TUSC3: variants seen among roughly 807,000 people sequenced by gnomAD.
TUSC3 encodes the protein tumor suppressor candidate 3, also known as dolichyl-diphosphooligosaccharide--protein glycosyltransferase subunit TUSC3.
TUSC3 carries 45 observed loss-of-function variants against 44.8 expected under a neutral mutation model. The ratio of observed to expected loss-of-function variants is 1.00; its 90% CI spans 0.79 to 1.29. The LOEUF (loss-of-function observed/expected upper bound fraction) is 1.29, where lower values mean the gene tolerates loss of function less well. Among genes scored for constraint, TUSC3 ranks in the 50% most tolerant of loss-of-function variants. The pLI is 0.00. For missense variants in TUSC3, 519 were observed against 437.9 expected (o/e 1.19, Z -1.65); for synonymous variants, 212 against 152.9 (o/e 1.39, Z -2.85).
chr8:15,783,425 G>A, the TUSC3 span, among the ~76,000 whole-genome samples: 1 of 152,026 alleles, frequency 6.6e-6, no homozygotes, highest in African/African-American at 2.4e-5. Context: ...AAGCAATCAT[G>A]AGCAAAAAGA....
chr8:15,735,876 T>TG lies in TUSC3; in HGVS notation c.862+5147_862+5148insG, dbSNP rs1554484150. 1.5e-3 allele frequency among the ~76,000 whole-genome samples: 208 copies of TG among 139,150 alleles called. 1 individual carries two copies. Among genetic ancestry groups the TG allele is most frequent in the African/African-American group, 2.6e-3 (103 of 39,270 alleles). The allele number at this position is 139,150 out of a possible 152,430, so 91.3% of individuals were successfully genotyped here. The stretch of plus-strand genomic sequence containing the variant: ...TGCCACACCCGGCTAATGGGTTTTT[T>TG]TTTTTTGTTTTTTTGGTTTTTTTTT... On this transcript the variant is annotated intron_variant, in intron 7 of 10. Coordinates refer to ENST00000503731, the MANE Select transcript of TUSC3 (RefSeq NM_006765.4).
downstream of TUSC3, among the ~76,000 whole-genome samples, chr8:15,767,408 G>A (rs1297411949): frequency 6.7e-6 from 1 of 150,216 alleles, no homozygotes; most frequent in Non-Finnish European, 1.5e-5. Context: ...GGAATTCCAG[G>A]GACATACCTG....
the TUSC3 span, among the ~76,000 whole-genome samples, chr8:15,823,797 G>C: frequency 1.0e-5 from 1 of 96,578 alleles, no homozygotes; most frequent in African/African-American, 2.9e-5. Flanking sequence ...GGCAAGTTCA[G>C]TGAGTTAACG....
At chr8:15,699,657 G>C (rs945535122) in intron 6 of TUSC3, among the ~76,000 whole-genome samples, 1 of 152,130 alleles carries the variant, frequency 6.6e-6, no homozygotes, top group Non-Finnish European at 1.5e-5. Context: ...TTTAATATGA[G>C]TTTGAAAGAT....
intron 1 of TUSC3, among the ~76,000 whole-genome samples, chr8:15,481,302 G>C (rs114007845): frequency 0.011 from 1,627 of 151,222 alleles, 35 homozygotes; most frequent in African/African-American, 0.037. Flanking sequence ...GGCCATGAAG[G>C]CTCTGCCGTC....
chr8:15,524,050 C>A (rs12545977), intron 2 of TUSC3, among the ~76,000 whole-genome samples: 82,106 of 132,562 alleles, frequency 0.62, 27,056 homozygotes, highest in Non-Finnish European at 0.75. Context: ...CAGAGTGACT[C>A]CGTCTCAAAA....
chr8:15,615,416 C>T (rs76830538), intron 1 of TUSC3, among the ~76,000 whole-genome samples: 2,152 of 152,148 alleles, frequency 0.014, 36 homozygotes, highest in South Asian at 0.05. Context: ...AACCAAAAAC[C>T]AGATTGAGCT....
At chr8:15,424,689 G>C (rs567293600) in intron 1 of TUSC3, among the ~76,000 whole-genome samples, 10 of 152,018 alleles carry the variant, frequency 6.6e-5, no homozygotes, top group Non-Finnish European at 1.5e-4. Flanking sequence ...GACTATCCTG[G>C]CTAACACGGT....
At chr8:15,846,072 G>C in the TUSC3 span, among the ~76,000 whole-genome samples, 1 of 152,098 alleles carries the variant, frequency 6.6e-6, no homozygotes, top group African/African-American at 2.4e-5. Flanking sequence ...CACAAGAATA[G>C]CACAGGAAAG....
chr8:15,806,126 TC>T, the TUSC3 span: 1 of 440,288 alleles, frequency 2.3e-6, no homozygotes, highest in Non-Finnish European at 4.4e-6. Context: ...GAAGGTAAAC[TC>T]CATGGCTAGA....
chr8:15,802,869 G>C, the TUSC3 span, among the ~76,000 whole-genome samples: 2 of 151,874 alleles, frequency 1.3e-5, no homozygotes, highest in East Asian at 1.9e-4. Flanking sequence ...GTTCATACTC[G>C]GTGGTCATTC....
intron 5 of TUSC3, among the ~76,000 whole-genome samples, chr8:15,669,424 C>T (rs978749595): frequency 2.0e-5 from 3 of 151,668 alleles, no homozygotes; most frequent in Non-Finnish European, 3.0e-5. Context: ...TAAAATCTGA[C>T]GGGGACATTT....
At chr8:15,608,865 A>C (rs1360038034) in intron 1 of TUSC3, among the ~76,000 whole-genome samples, 2 of 152,190 alleles carry the variant, frequency 1.3e-5, no homozygotes, top group African/African-American at 4.8e-5. Context: ...GCAGTGCAAA[A>C]ACTGACTAAT....
At chr8:15,550,707 T>G (rs1802033486) in intron 1 of TUSC3, among the ~76,000 whole-genome samples, 1 of 151,646 alleles carries the variant, frequency 6.6e-6, no homozygotes, top group African/African-American at 2.4e-5. Flanking sequence ...TGTCTCTCAC[T>G]GTCACCCAGG....
At chr8:15,422,367 A>G (rs954248604) in intron 1 of TUSC3, among the ~76,000 whole-genome samples, 4 of 152,136 alleles carry the variant, frequency 2.6e-5, no homozygotes, top group African/African-American at 7.2e-5. Flanking sequence ...ATCACTTTAT[A>G]ACACGTCTTC....
chr8:15,506,916 C>T (rs978199343), intron 2 of TUSC3, among the ~76,000 whole-genome samples: 4 of 152,328 alleles, frequency 2.6e-5, no homozygotes, highest in African/African-American at 9.6e-5. Context: ...GCTGCATTTC[C>T]TGTCTTGGTC....
In TUSC3 at chr8:15,427,905, C is replaced by T. The variant is rs1204179165; in HGVS notation, n.91+10600C>T. Among the ~76,000 whole-genome samples the T allele has an allele frequency of 2.6e-5, 4 of 152,004 alleles. No homozygotes were observed. In the South Asian group the frequency reaches 8.3e-4, roughly 32 times the overall value. On this transcript the variant is annotated intron_variant and non_coding_transcript_variant, in intron 1 of 5. Transcript: ENST00000503191. ...CAAGTTTTCCATTTAAGTCTTTATT[C>T]CATTGTGAGTTGATTTTTGCATACA...
intron 1 of TUSC3, among the ~76,000 whole-genome samples, chr8:15,586,553 A>ATG (rs1411867447): frequency 1.3e-5 from 2 of 152,172 alleles, no homozygotes; most frequent in African/African-American, 4.8e-5. Flanking sequence ...CCTCAGGCCC[A>ATG]GCCAGGACAC....
At chr8:15,745,567 T>C (rs1438317103) in intron 8 of TUSC3, among the ~76,000 whole-genome samples, 1 of 152,120 alleles carries the variant, frequency 6.6e-6, no homozygotes, top group Non-Finnish European at 1.5e-5. Flanking sequence ...ATAATGAACA[T>C]TTTTTCATAT....
Sources: gnomAD v4.1 joint callset for allele counts (sites outside exome capture counted in the v4.1 genomes callset) on GRCh38, gnomAD v4.1.1 for gene constraint, MANE v1.5 for transcripts, NCBI Gene and HGNC (gene_info 2026-07-23, HGNC 2026-07-21) for gene names.